Variants in ARHGEF10L observed in about 807,000 individuals in gnomAD.
ARHGEF10L encodes the protein rho guanine nucleotide exchange factor 10-like protein.
In ARHGEF10L, 69 loss-of-function variants were observed where a neutral mutation model predicts 141.2. That is an observed-to-expected ratio of 0.49 (90% confidence interval 0.40 to 0.60). The LOEUF (loss-of-function observed/expected upper bound fraction) is 0.60, where lower values mean the gene tolerates loss of function less well. Ranked by LOEUF, ARHGEF10L falls within the 20% of genes least tolerant of loss-of-function variation. ARHGEF10L has a pLI of 0.00. For synonymous variants in ARHGEF10L, 711 were observed against 718.5 expected, an observed-to-expected ratio of 0.99 and a Z score of 0.17; for missense variants, 1,482 against 1,734.3, an observed-to-expected ratio of 0.85 and a Z score of 2.58.
Position 17,683,243 on chromosome 1 carries a change from C to G in ARHGEF10L, c.3010-4330C>G, listed in dbSNP as rs567744767. Reference sequence around the variant, plus strand: ...TGCTCTCACCCGGGTGCTCACTGCCCCCTGCTCTCACCCGGGTGCTCACTG... The same window carrying G: ...TGCTCTCACCCGGGTGCTCACTGCCGCCTGCTCTCACCCGGGTGCTCACTG... On this transcript the variant is annotated intron_variant, in intron 26 of 28. Coordinates refer to ENST00000361221, the MANE Select transcript of ARHGEF10L (RefSeq NM_018125.4). Among the ~76,000 whole-genome samples the G allele has an allele frequency of 1.4e-3, 167 of 121,964 alleles. 3 individuals carry two copies. Among genetic ancestry groups the G allele is most frequent in the Middle Eastern group, 8.8e-3 (2 of 226 alleles). The allele number at this position is 121,964 out of a possible 152,430, so 80.0% of individuals were successfully genotyped here. A position where few individuals can be genotyped will look rare whatever the true frequency, so the allele number is the denominator to read the frequency against.
At chr1:17,672,001 C>T (rs879444199) in intron 26 of ARHGEF10L, among the ~76,000 whole-genome samples, 7 of 152,188 alleles carry the variant, frequency 4.6e-5, no homozygotes, top group Non-Finnish European at 7.3e-5. Context: ...TGGTTTTAAC[C>T]GGCTTCGGAG....
At chr1:17,649,750 T>A (rs1183101995) in intron 22 of ARHGEF10L, among the ~76,000 whole-genome samples, 1 of 152,048 alleles carries the variant, frequency 6.6e-6, no homozygotes, top group Non-Finnish European at 1.5e-5. Flanking sequence ...GATACGTGGG[T>A]GGGCTGAGGT....
At chr1:17,636,925 C>G (rs1310171697) in intron 18 of ARHGEF10L, among the ~76,000 whole-genome samples, 1 of 152,114 alleles carries the variant, frequency 6.6e-6, no homozygotes, top group East Asian at 1.9e-4. Context: ...CCATCTGGTC[C>G]TCCTGGACCC....
chr1:17,645,193 A>G (rs1216906499), intron 21 of ARHGEF10L, among the ~76,000 whole-genome samples: 3 of 152,122 alleles, frequency 2.0e-5, no homozygotes, highest in African/African-American at 7.2e-5. Context: ...CCAGTTCTTA[A>G]TGTCACTTAT....
rs2060128328 is a variant in ARHGEF10L, at chr1:17,621,879, A to G, written c.958A>G (p.Ile320Val). The part of the protein sequence containing the change: ...LSPQQVVRRH[I>V]LGSIVQSEGS... ...GCCCGAGCAGGTGGTCCGGAGGCAT[A>G]TCCTGGGCTCCATCGTGCAGAGCGA... Residue 320 changes from isoleucine to valine, a missense_variant, in exon 11 of 29, where the codon ATC (isoleucine) becomes GTC (valine). Around this residue, in one of 3 missense-constraint regions of ARHGEF10L, gnomAD observed 392 missense variants for 542.1 expected, o/e 0.72. Coordinates refer to ENST00000361221, the MANE Select transcript of ARHGEF10L (RefSeq NM_018125.4). This position sits in a 1 kb window ranked among gnomAD's most constrained non-coding sequence, Gnocchi z 4.1. 6.2e-7 allele frequency: 1 copy of G among 1,614,136 alleles called. No homozygotes were observed. Among genetic ancestry groups the G allele is most frequent in the Non-Finnish European group, 8.5e-7 (1 of 1,180,018 alleles).
In ARHGEF10L at chr1:17,587,486, G is replaced by A. The variant is rs1236438010; in HGVS notation, c.64G>A (p.Gly22Ser). 6.2e-7 allele frequency: 1 copy of A among 1,613,924 alleles called. No homozygotes were observed. The highest frequency in any genetic ancestry group is 1.7e-5 in the Admixed American group (1 of 59,960). Reference protein sequence around the residue: ...IGDQLVPGVPGPSSEAEDDPG... With the variant: ...IGDQLVPGVPSPSSEAEDDPG... ...AGATCAGCTGGTTCCAGGAGTCCCA[G>A]GCCCCTCCTCTGAGGCAGAGGACGA... The change falls in exon 3 of 29, where the codon GGC becomes AGC. Residue 22 changes from glycine to serine, a missense_variant. Transcript: ENST00000361221.
In ARHGEF10L at chr1:17,608,039, G is replaced by A. The variant is rs1485045487; in HGVS notation, c.609+62G>A. 1.5e-6 allele frequency: 2 copies of A among 1,301,534 alleles called. 1 individual carries two copies. The highest frequency in any genetic ancestry group is 2.0e-6 in the Non-Finnish European group (2 of 996,658). 80.6% of individuals were successfully genotyped at this position (1,301,534 alleles called of 1,614,324 possible). A position where few individuals can be genotyped will look rare whatever the true frequency, so the allele number is the denominator to read the frequency against. On this transcript the variant is annotated intron_variant, in intron 7 of 28. Transcript: ENST00000361221. ...GCACGGAGACCCCTTCAGGGAGGGA[G>A]GGAGGGAGGGAGCTGGGTAGTGAGG...
intron 15 of ARHGEF10L, among the ~76,000 whole-genome samples, chr1:17,628,937 G>A (rs2101628304): frequency 6.6e-6 from 1 of 152,336 alleles, no homozygotes; most frequent in East Asian, 1.9e-4. Flanking sequence ...CAAGCTTCAG[G>A]CAACCCACAT....
intron 3 of ARHGEF10L, 147 bp downstream of exon 3, chr1:17,587,792 T>A: frequency 2.3e-6 from 2 of 871,006 alleles, no homozygotes; most frequent in Non-Finnish European, 3.5e-6. Context: ...GAAGCTGCAG[T>A]CTGTGGCTTC....
chr1:17,632,588 A>G, intron 16 of ARHGEF10L, 122 bp downstream of exon 16: 6 of 1,284,148 alleles, frequency 4.7e-6, no homozygotes, highest in Non-Finnish European at 6.6e-6. Context: ...TTAGGCTTCC[A>G]ATATTCCTCT....
rs375220425 is a variant in ARHGEF10L, at chr1:17,672,500, C to T, written c.3009+7905C>T. 5.9e-5 allele frequency among the ~76,000 whole-genome samples: 9 copies of T among 152,324 alleles called. No individual in the cohort carries two copies. In the East Asian group the frequency reaches 1.7e-3, roughly 29 times the overall value. On this transcript the variant is annotated intron_variant, in intron 26 of 28. Transcript: ENST00000361221. The stretch of plus-strand genomic sequence containing the variant: ...GGAGGAGCGCCTGGTGTCTGGGCCA[C>T]TGCCAGAGCATGCAGGGTCTCGCGT...
intron 2 of ARHGEF10L, among the ~76,000 whole-genome samples, chr1:17,582,249 T>C (rs1383639634): frequency 6.6e-6 from 1 of 152,146 alleles, no homozygotes; most frequent in Non-Finnish European, 1.5e-5. Context: ...CCTGCTGCCA[T>C]GGGCACCTGT....
chr1:17,570,593 G>A (rs185156982), intron 1 of ARHGEF10L, among the ~76,000 whole-genome samples: 8 of 152,230 alleles, frequency 5.3e-5, no homozygotes, highest in African/African-American at 1.9e-4. Context: ...TGAGGGCTTG[G>A]GTCTTCCTTA....
Position 17,552,226 on chromosome 1 carries a change from A to G in ARHGEF10L, c.-44+12276A>G, listed in dbSNP as rs141577149. On this transcript the variant is annotated intron_variant, in intron 1 of 28. Coordinates refer to ENST00000361221, the MANE Select transcript of ARHGEF10L (RefSeq NM_018125.4). ...GAGGGGGAGATGGGGAGCACTTCCC[A>G]GAGCCCTGTGCTATGAGCTCTGTCA... Among the ~76,000 whole-genome samples the G allele has an allele frequency of 3.4e-3, 525 of 152,248 alleles. 2 individuals are homozygous for G. Among genetic ancestry groups the G allele is most frequent in the African/African-American group, 0.012 (519 of 41,530 alleles).
chr1:17,624,219 G>C (rs182243596), intron 12 of ARHGEF10L, among the ~76,000 whole-genome samples, 168 bp from the exon 13 acceptor site: 9 of 152,218 alleles, frequency 5.9e-5, no homozygotes, highest in African/African-American at 2.2e-4. Flanking sequence ...CCACACCCCA[G>C]TGGGGGTGAT....
rs2065593300 is a variant in ARHGEF10L, at chr1:17,697,448, C to G, written c.*68C>G. ...CAAGGCCACGCCCGGCTCTCGTGCTCTAGGACCTGCACGGGACTTGTGGAT... is the reference window on the plus strand; with the variant it reads ...CAAGGCCACGCCCGGCTCTCGTGCTGTAGGACCTGCACGGGACTTGTGGAT... On this transcript the variant is annotated 3_prime_UTR_variant, in exon 29 of 29. Coordinates refer to ENST00000361221, the MANE Select transcript of ARHGEF10L (RefSeq NM_018125.4). The surrounding 1 kb of genome is among the most constrained non-coding windows in gnomAD (Gnocchi z 4.8). The G allele has an allele frequency of 5.3e-6, 8 of 1,508,856 alleles. No individual in the cohort carries two copies. The South Asian group carries it at 9.1e-5, about 17-fold the overall frequency. The allele number at this position is 1,508,856 out of a possible 1,614,324, so 93.5% of individuals were successfully genotyped here.
intron 1 of ARHGEF10L, among the ~76,000 whole-genome samples, chr1:17,560,621 A>G (rs567914186): frequency 4.9e-4 from 75 of 152,306 alleles, no homozygotes; most frequent in African/African-American, 1.0e-3. Flanking sequence ...GCTGGAGTAC[A>G]ATGGCGCAAT....
rs149839754 is a variant in ARHGEF10L at position 17,684,604 on chromosome 1, C to T, written c.3010-2969C>T. The stretch of plus-strand genomic sequence containing the variant: ...CCCCAATCTGAGACAGGAGACAGTT[C>T]GCTTCCTCTGAGCATGCCCAGCTTG... On this transcript the variant is annotated intron_variant, in intron 26 of 28. Transcript: ENST00000361221. Among the ~76,000 whole-genome samples the T allele has an allele frequency of 1.4e-3, 218 of 152,304 alleles. 1 individual carries two copies. The highest frequency in any genetic ancestry group is 4.4e-3 in the South Asian group (21 of 4,824).
At chr1:17,611,734 C>T (rs2059561252) in intron 7 of ARHGEF10L, among the ~76,000 whole-genome samples, 1 of 152,120 alleles carries the variant, frequency 6.6e-6, no homozygotes, top group African/African-American at 2.4e-5. Flanking sequence ...GGCCACTTTA[C>T]CAGTGAGGAA....
Sources: gnomAD v4.1 joint callset for allele counts (sites outside exome capture counted in the v4.1 genomes callset) on GRCh38, gnomAD v4.1.1 for gene constraint, gnomAD v4.1.1 regional missense constraint, Gnocchi (gnomAD v3.1) non-coding constraint, MANE v1.5 for transcripts, NCBI Gene and HGNC (gene_info 2026-07-23, HGNC 2026-07-21) for gene names.